ENOX1: variants seen among roughly 807,000 people sequenced by gnomAD.
ENOX1 encodes the protein ecto-NOX disulfide-thiol exchanger 1.
Under a neutral mutation model 82.5 loss-of-function variants are expected in ENOX1, and 42 were observed. That is an observed-to-expected ratio of 0.51 (90% CI 0.40 to 0.66). The LOEUF (loss-of-function observed/expected upper bound fraction) is 0.66. Among genes scored for constraint, ENOX1 ranks in the 30% least tolerant of loss-of-function variants. The pLI is 0.00. For synonymous variants in ENOX1, 271 were observed against 282.2 expected, an observed-to-expected ratio of 0.96 and a Z score of 0.40; for missense variants, 608 against 811.6, an observed-to-expected ratio of 0.75 and a Z score of 3.05.
At chr13:43,590,948 G>A (rs2081222148) in intron 2 of ENOX1, among the ~76,000 whole-genome samples, 1 of 152,134 alleles carries the variant, frequency 6.6e-6, no homozygotes, top group Admixed American at 6.5e-5. Flanking sequence ...ATTTAAACCA[G>A]GAGGTATCAT....
At chr13:43,521,145 C>T (rs1484055391) in intron 2 of ENOX1, among the ~76,000 whole-genome samples, 1 of 152,080 alleles carries the variant, frequency 6.6e-6, no homozygotes, top group Non-Finnish European at 1.5e-5. Flanking sequence ...TAACTTTTGT[C>T]CAGACCTTCT....
At chr13:43,587,116 A>G (rs762541935) in intron 2 of ENOX1, among the ~76,000 whole-genome samples, 7 of 151,956 alleles carry the variant, frequency 4.6e-5, no homozygotes, top group African/African-American at 7.2e-5. Context: ...ATCAGCTCTG[A>G]TATCCTGGCC....
At chr13:43,784,706 C>T (rs1232028779) in intron 1 of ENOX1, among the ~76,000 whole-genome samples, 6 of 152,318 alleles carry the variant, frequency 3.9e-5, no homozygotes, top group Admixed American at 2.0e-4. Context: ...CTATGTTACT[C>T]TTGCATATTT....
At chr13:43,244,453 T>C (rs1399929565) in intron 14 of ENOX1, among the ~76,000 whole-genome samples, 1 of 152,158 alleles carries the variant, frequency 6.6e-6, no homozygotes, top group African/African-American at 2.4e-5. Flanking sequence ...ATAACTGTGG[T>C]TGTATTCAAA....
chr13:43,480,361 C>T (rs1376709588), intron 3 of ENOX1, among the ~76,000 whole-genome samples: 2 of 152,164 alleles, frequency 1.3e-5, no homozygotes, highest in Non-Finnish European at 2.9e-5. Flanking sequence ...TTCCTTCAAC[C>T]TATTTGGCCT....
intron 5 of ENOX1, chr13:43,394,562 A>C (rs2153584238): frequency 6.6e-6 from 1 of 152,404 alleles, no homozygotes; most frequent in Middle Eastern, 3.4e-3. Flanking sequence ...TGGGCCTCAA[A>C]CAAGGGCCAC....
chr13:43,715,609 A>G (rs1460507592), intron 1 of ENOX1, among the ~76,000 whole-genome samples: 3 of 152,154 alleles, frequency 2.0e-5, no homozygotes, highest in Non-Finnish European at 4.4e-5. Flanking sequence ...TACACCAATC[A>G]GACGTAGATT....
intron 1 of ENOX1, among the ~76,000 whole-genome samples, chr13:43,771,490 A>C (rs531225512): frequency 6.6e-6 from 1 of 151,932 alleles, no homozygotes; most frequent in South Asian, 2.1e-4. Flanking sequence ...ATTATAACTT[A>C]ATTAATTAAG....
intron 11 of ENOX1, among the ~76,000 whole-genome samples, chr13:43,306,914 G>C (rs1375116091): frequency 6.6e-6 from 1 of 152,206 alleles, no homozygotes; most frequent in East Asian, 1.9e-4. Flanking sequence ...AATGTGAAAT[G>C]ATGGCCAGCT....
intron 5 of ENOX1, among the ~76,000 whole-genome samples, chr13:43,385,211 A>G (rs1350069279): frequency 6.6e-6 from 1 of 152,186 alleles, no homozygotes; most frequent in Non-Finnish European, 1.5e-5. Context: ...ATCTTATAAT[A>G]TCAATAAATA....
intron 1 of ENOX1, among the ~76,000 whole-genome samples, chr13:43,669,174 C>T (rs1046629711): frequency 2.6e-5 from 4 of 152,152 alleles, no homozygotes; most frequent in Non-Finnish European, 4.4e-5. Context: ...ACCAGCAATA[C>T]GGGGACCATA....
At chr13:43,405,035 T>C (rs2053712362) in intron 5 of ENOX1, among the ~76,000 whole-genome samples, 2 of 151,200 alleles carry the variant, frequency 1.3e-5, no homozygotes, top group African/African-American at 4.9e-5. Flanking sequence ...CATTAATATC[T>C]GAAGGGACTA....
chr13:43,650,525 C>T (rs569104888), intron 2 of ENOX1, among the ~76,000 whole-genome samples: 1 of 152,236 alleles, frequency 6.6e-6, no homozygotes, highest in South Asian at 2.1e-4. Context: ...CCTAGAACCA[C>T]TGCCCCTGGG....
At chr13:43,298,258 C>A in intron 12 of ENOX1, 88 bp downstream of exon 12, 1 of 1,358,736 alleles carries the variant, frequency 7.4e-7, no homozygotes, top group South Asian at 1.5e-5. Context: ...TCTCCTTCAC[C>A]CTTTCCAGCA....
chr13:43,313,886 C>T (rs2047342959), intron 11 of ENOX1, among the ~76,000 whole-genome samples: 1 of 152,096 alleles, frequency 6.6e-6, no homozygotes, highest in African/African-American at 2.4e-5. Context: ...ATTCTGAGAA[C>T]TGATAATTTA....
intron 2 of ENOX1, among the ~76,000 whole-genome samples, chr13:43,540,906 C>T (rs2078678139): frequency 6.6e-6 from 1 of 152,096 alleles, no homozygotes; most frequent in Non-Finnish European, 1.5e-5. Context: ...GTGGAATCAA[C>T]AGCACATAAG....
intron 5 of ENOX1, among the ~76,000 whole-genome samples, chr13:43,373,322 A>G (rs1314744668): frequency 1.3e-5 from 2 of 152,202 alleles, no homozygotes; most frequent in Non-Finnish European, 2.9e-5. Context: ...AACTTCTCCA[A>G]GGGAAATCAG....
chr13:43,499,338 T>G (rs1323949496), intron 2 of ENOX1, among the ~76,000 whole-genome samples: 1 of 152,138 alleles, frequency 6.6e-6, no homozygotes, highest in Non-Finnish European at 1.5e-5. Context: ...GTTAATTTCT[T>G]AGTTTGATAA....
intron 1 of ENOX1, among the ~76,000 whole-genome samples, chr13:43,741,145 C>G (rs1033891818): frequency 6.8e-6 from 1 of 148,020 alleles, no homozygotes; most frequent in Non-Finnish European, 1.5e-5. Context: ...AGTGCAATGG[C>G]GTGATCTCAG....
Sources: gnomAD v4.1 joint callset for allele counts (sites outside exome capture counted in the v4.1 genomes callset) on GRCh38, gnomAD v4.1.1 for gene constraint, MANE v1.5 for transcripts, NCBI Gene and HGNC (gene_info 2026-07-23, HGNC 2026-07-21) for gene names.